Variants in REC114 observed in about 807,000 individuals in gnomAD.
REC114 encodes REC114 meiotic recombination protein.
In REC114, 27 loss-of-function variants were observed where a neutral mutation model predicts 31.3. The ratio of observed to expected loss-of-function variants is 0.86; its 90% CI spans 0.64 to 1.19. The LOEUF (loss-of-function observed/expected upper bound fraction) is 1.19, where lower values mean the gene tolerates loss of function less well. Ranked by LOEUF, REC114 falls within the 50% of genes most tolerant of loss-of-function variation. The pLI, the probability that REC114 is intolerant of heterozygous loss-of-function variation, is 0.00. For synonymous variants in REC114, 134 were observed against 127.7 expected, an observed-to-expected ratio of 1.05 and a Z score of -0.33; for missense variants, 344 against 326.9, an observed-to-expected ratio of 1.05 and a Z score of -0.40.
In REC114 at chr15:73,540,535, C is replaced by T. The variant is rs188820806; in HGVS notation, c.300C>T (p.Arg100=). Residue 100 remains arginine, a synonymous_variant, in exon 3 of 6, where the codon CGC becomes CGT. Coordinates refer to ENST00000331090, the MANE Select transcript of REC114 (RefSeq NM_001042367.2). The part of the protein sequence containing the change: ...GSKDWLKIVR[R]VDCLLFGTTI... The stretch of plus-strand genomic sequence containing the variant: ...AGGACTGGTTGAAGATTGTAAGACG[C>T]GTGGATTGTCTGTTGTTTGGAACAA... 1.6e-4 allele frequency: 259 copies of T among 1,613,782 alleles called. 2 individuals carry two copies. In the African/African-American group the frequency reaches 2.5e-3, roughly 15 times the overall value.
intron 2 of REC114, among the ~76,000 whole-genome samples, chr15:73,531,332 T>G (rs563299421): frequency 2.0e-5 from 3 of 152,318 alleles, no homozygotes; most frequent in Non-Finnish European, 2.9e-5. Flanking sequence ...TGCATCCATT[T>G]TCTTAGGTAC....
Position 73,466,336 on chromosome 15 carries a change from C to T in REC114, c.160-7496C>T, listed in dbSNP as rs568554933. Among the ~76,000 whole-genome samples, 235 of 151,868 alleles carry T rather than the reference C, an allele frequency of 1.5e-3. 1 individual carries two copies. The highest frequency in any genetic ancestry group is 5.4e-3 in the African/African-American group (222 of 41,456). The stretch of plus-strand genomic sequence containing the variant: ...TTGGGAGTCTGAGGCAGGTGGATCA[C>T]GAGGTCAGGAGTTTGAGACCAGCCT... On this transcript the variant is annotated intron_variant, in intron 1 of 5. Transcript: ENST00000331090.
chr15:73,465,713 A>G (rs1893047578), intron 1 of REC114, among the ~76,000 whole-genome samples: 1 of 152,224 alleles, frequency 6.6e-6, no homozygotes, highest in African/African-American at 2.4e-5. Context: ...GTTAAATGAA[A>G]AATATTATGC....
Position 73,559,781 on chromosome 15 carries a change from T to C in REC114, c.666T>C (p.His222=). The C allele has an allele frequency of 6.2e-7, 1 of 1,601,276 alleles. No homozygotes were observed. Among genetic ancestry groups the C allele is most frequent in the South Asian group, 1.1e-5 (1 of 88,382 alleles). The change falls in exon 6 of 6, where the codon CAT becomes CAC. Residue 222 remains histidine, a synonymous_variant. Coordinates refer to ENST00000331090, the MANE Select transcript of REC114 (RefSeq NM_001042367.2). ...TTCTGGCATCGGAGGAGCTGCCCCA[T>C]GTCTATGAACAATCTGCATGGGGTG... ...QTLLASEELP[H]VYEQSAWGAE...
At chr15:73,539,896 C>T (rs1186864008) in intron 2 of REC114, among the ~76,000 whole-genome samples, 1 of 152,152 alleles carries the variant, frequency 6.6e-6, no homozygotes, top group Non-Finnish European at 1.5e-5. Flanking sequence ...GAAAGTTTAT[C>T]TTTTCACTTT....
chr15:73,506,931 TA>T (rs1166227031), intron 2 of REC114, among the ~76,000 whole-genome samples: 2 of 151,924 alleles, frequency 1.3e-5, no homozygotes, highest in South Asian at 2.1e-4. Flanking sequence ...CATAGCCAAC[TA>T]AAAAAAATTA....
At chr15:73,463,068 C>T (rs1262527845) in intron 1 of REC114, among the ~76,000 whole-genome samples, 2 of 151,960 alleles carry the variant, frequency 1.3e-5, no homozygotes, top group Non-Finnish European at 2.9e-5. Context: ...ACCATAATAC[C>T]CCAAAATTAA....
chr15:73,500,509 G>A (rs1385927328), intron 2 of REC114, among the ~76,000 whole-genome samples: 1 of 152,204 alleles, frequency 6.6e-6, no homozygotes, highest in African/African-American at 2.4e-5. Flanking sequence ...CAGCAGGTGA[G>A]ATGGAGGCAT....
intron 2 of REC114, among the ~76,000 whole-genome samples, chr15:73,523,028 TTGAG>T (rs1893957206): frequency 6.6e-6 from 1 of 152,156 alleles, no homozygotes; most frequent in South Asian, 2.1e-4. Flanking sequence ...ATGAATTATG[TTGAG>T]TATCTTTTAA....
At chr15:73,467,340 A>C (rs1282398243) in intron 1 of REC114, among the ~76,000 whole-genome samples, 1 of 152,222 alleles carries the variant, frequency 6.6e-6, no homozygotes, top group East Asian at 1.9e-4. Flanking sequence ...TCTACAGACC[A>C]AGCATTGCTT....
Position 73,500,606 on chromosome 15 carries a change from T to G in REC114, c.249+26685T>G, listed in dbSNP as rs376903643. On this transcript the variant is annotated intron_variant, in intron 2 of 5. Coordinates refer to ENST00000331090, the MANE Select transcript of REC114 (RefSeq NM_001042367.2). The stretch of plus-strand genomic sequence containing the variant: ...GATCTGGATGGTGGTTAAATATATG[T>G]GTGTATAAAATTGTATCAAGTGGTA... 2.7e-3 allele frequency among the ~76,000 whole-genome samples: 414 copies of G among 152,210 alleles called. 3 individuals are homozygous for G. The highest frequency in any genetic ancestry group is 9.2e-3 in the African/African-American group (383 of 41,530).
chr15:73,474,650 G>T lies in REC114; in HGVS notation c.249+729G>T, dbSNP rs530176882. On this transcript the variant is annotated intron_variant, in intron 2 of 5. Coordinates refer to ENST00000331090, the MANE Select transcript of REC114 (RefSeq NM_001042367.2). ...TTTAACAAATATTTATTGAGTAATT[G>T]TATATGCTAGGCATTTTAGGGGATG... is the stretch of plus-strand genomic sequence containing the variant. 2.6e-5 allele frequency among the ~76,000 whole-genome samples: 4 copies of T among 152,292 alleles called. No individual in the cohort carries two copies. In the South Asian group the frequency reaches 8.3e-4, roughly 32 times the overall value.
In REC114 at chr15:73,540,855, A is replaced by T. The variant is rs76449530; in HGVS notation, c.333+287A>T. ...CAAGCACAAATTGGAAGTGGAGTAC[A>T]TCATTTGTCTTGCGATTTGGATGTT... On this transcript the variant is annotated intron_variant, in intron 3 of 5. Transcript: ENST00000331090. Among the ~76,000 whole-genome samples, 854 of 152,276 alleles carry T rather than the reference A, an allele frequency of 5.6e-3. 6 individuals carry two copies. The highest frequency in any genetic ancestry group is 0.02 in the African/African-American group (814 of 41,560).
At chr15:73,445,845 TATA>T (rs983066347) in intron 1 of REC114, among the ~76,000 whole-genome samples, 1 of 151,948 alleles carries the variant, frequency 6.6e-6, no homozygotes, top group Non-Finnish European at 1.5e-5. Context: ...CACCATCATA[TATA>T]ATAATAATAA....
intron 5 of REC114, among the ~76,000 whole-genome samples, chr15:73,557,598 C>A (rs1894491170): frequency 1.3e-5 from 2 of 152,106 alleles, no homozygotes; most frequent in Non-Finnish European, 2.9e-5. Flanking sequence ...AGGACTAATG[C>A]CCATATTTGC....
At chr15:73,558,277 C>G (rs1248324912) in intron 5 of REC114, among the ~76,000 whole-genome samples, 3 of 152,136 alleles carry the variant, frequency 2.0e-5, no homozygotes, top group African/African-American at 7.2e-5. Flanking sequence ...CTAAAACATG[C>G]TATCCACGTA....
Position 73,559,954 on chromosome 15 carries a change from A to ACT in REC114, c.*38_*39insCT. On this transcript the variant is annotated 3_prime_UTR_variant, in exon 6 of 6. Coordinates refer to ENST00000331090, the MANE Select transcript of REC114 (RefSeq NM_001042367.2). ...ATATATAACTAAGGAACTTCAAAGT[A>ACT]TTGAAAAATGCTTCCTCCTAAAATT... 6.7e-7 allele frequency: 1 copy of ACT among 1,500,424 alleles called. No individual in the cohort carries two copies. The highest frequency in any genetic ancestry group is 8.9e-7 in the Non-Finnish European group (1 of 1,126,600). 92.9% of individuals were successfully genotyped at this position (1,500,424 alleles called of 1,614,324 possible). A position where few individuals can be genotyped will look rare whatever the true frequency, so the allele number is the denominator to read the frequency against.
chr15:73,549,924 A>G (rs1000570161), intron 3 of REC114, among the ~76,000 whole-genome samples: 10 of 152,208 alleles, frequency 6.6e-5, no homozygotes, highest in African/African-American at 2.4e-4. Flanking sequence ...TAAATTATGA[A>G]CAGGAAAATC....
intron 1 of REC114, among the ~76,000 whole-genome samples, chr15:73,461,970 C>T (rs1301847376): frequency 2.4e-5 from 3 of 126,056 alleles, no homozygotes; most frequent in African/African-American, 5.9e-5. Context: ...CTTACTCTGT[C>T]ACCCAGGCTG....
Sources: allele counts gnomAD v4.1 joint callset (sites outside exome capture counted in the v4.1 genomes callset), GRCh38; gene constraint gnomAD v4.1.1; transcripts MANE v1.5; gene names NCBI Gene and HGNC (gene_info 2026-07-23, HGNC 2026-07-21).